MARCHF1: variants seen among roughly 807,000 people sequenced by gnomAD.
MARCHF1 encodes E3 ubiquitin-protein ligase MARCHF1.
MARCHF1 carries 40 observed loss-of-function variants against 54.2 expected under a neutral mutation model. The observed-to-expected ratio is 0.74, with a 90% CI of 0.57 to 0.96. The LOEUF is 0.96. Ranked by LOEUF, MARCHF1 falls within the 40% of genes least tolerant of loss-of-function variation. MARCHF1 has a pLI of 0.00. For synonymous variants in MARCHF1, 236 were observed against 236.3 expected (o/e 1.00, Z 0.01); for missense variants, 586 against 656.5 (o/e 0.89, Z 1.17).
chr4:164,165,657 G>C (rs1384132778), intron 1 of MARCHF1, among the ~76,000 whole-genome samples: 1 of 151,892 alleles, frequency 6.6e-6, no homozygotes, highest in Admixed American at 6.6e-5. Flanking sequence ...CATATTGAAG[G>C]CCTCTTGTAG....
intron 2 of MARCHF1, among the ~76,000 whole-genome samples, chr4:164,020,532 C>G (rs1753641071): frequency 6.6e-6 from 1 of 152,188 alleles, no homozygotes; most frequent in Admixed American, 6.5e-5. Flanking sequence ...AGCATGGCAA[C>G]AAGTCTACAG....
chr4:164,044,255 A>C (rs1252977384), intron 2 of MARCHF1, among the ~76,000 whole-genome samples: 1 of 152,078 alleles, frequency 6.6e-6, no homozygotes, highest in Non-Finnish European at 1.5e-5. Context: ...ATTACTTGAG[A>C]CTCGGTAGTT....
rs760982618 is a variant in MARCHF1 at position 163,527,614 on chromosome 4, T to TA, written c.*1133dup. The TA allele has an allele frequency of 2.2e-5, 3 of 134,316 alleles. No homozygotes were observed. Among genetic ancestry groups the TA allele is most frequent in the Admixed American group, 8.5e-5 (1 of 11,832 alleles). 8.3% of individuals were successfully genotyped at this position (134,316 alleles called of 1,614,324 possible). On this transcript the variant is annotated 3_prime_UTR_variant, in exon 10 of 10. Transcript: ENST00000514618. ...ATGAGGACACTTAATTTAATGCTTTTAAAAATCATAACTAACTTTTGTGAC... is the reference window on the plus strand; with the variant it reads ...ATGAGGACACTTAATTTAATGCTTTTAAAAAATCATAACTAACTTTTGTGAC...
chr4:164,078,873 AC>A (rs1381512853), intron 2 of MARCHF1, among the ~76,000 whole-genome samples: 3 of 152,202 alleles, frequency 2.0e-5, no homozygotes, highest in South Asian at 4.1e-4. Context: ...TACATATGTA[AC>A]AAACCTGCAC....
chr4:163,603,288 A>G (rs1253376531), intron 7 of MARCHF1, among the ~76,000 whole-genome samples: 1 of 151,452 alleles, frequency 6.6e-6, no homozygotes, highest in Non-Finnish European at 1.5e-5. Context: ...ATCTGAAGAT[A>G]CACATACGAA....
chr4:163,798,963 G>T (rs1234517927), intron 4 of MARCHF1, among the ~76,000 whole-genome samples: 2 of 152,020 alleles, frequency 1.3e-5, no homozygotes, highest in African/African-American at 4.8e-5. Context: ...AGTTCGTTTA[G>T]TCTTCTCAGT....
intron 2 of MARCHF1, among the ~76,000 whole-genome samples, chr4:163,989,240 G>T (rs892648344): frequency 2.0e-5 from 3 of 151,782 alleles, no homozygotes; most frequent in African/African-American, 7.3e-5. Context: ...TAGGTCAAAG[G>T]ATCTGCCCTG....
intron 5 of MARCHF1, among the ~76,000 whole-genome samples, chr4:163,687,237 T>A (rs1436294011): frequency 6.6e-6 from 1 of 152,002 alleles, no homozygotes; most frequent in Non-Finnish European, 1.5e-5. Flanking sequence ...AGATCTTTTT[T>A]TTTTTTTTGA....
intron 3 of MARCHF1, among the ~76,000 whole-genome samples, chr4:163,935,823 G>C (rs567339226): frequency 6.6e-6 from 1 of 151,006 alleles, no homozygotes; most frequent in East Asian, 2.0e-4. Context: ...ATCATTCATG[G>C]ATTCACTGGA....
chr4:164,227,678 A>G (rs761212925), intron 1 of MARCHF1, among the ~76,000 whole-genome samples: 1 of 152,102 alleles, frequency 6.6e-6, no homozygotes, highest in Non-Finnish European at 1.5e-5. Flanking sequence ...AATCTCACAT[A>G]TTTCGCGCCA....
At chr4:163,886,617 T>C (rs1019750276) in intron 3 of MARCHF1, among the ~76,000 whole-genome samples, 5 of 151,924 alleles carry the variant, frequency 3.3e-5, no homozygotes, top group Admixed American at 6.6e-5. Context: ...GTACAGAAAA[T>C]GCAAATGTAA....
intron 1 of MARCHF1, among the ~76,000 whole-genome samples, chr4:164,146,402 A>C (rs1729740421): frequency 6.6e-6 from 1 of 152,006 alleles, no homozygotes; most frequent in Non-Finnish European, 1.5e-5. Context: ...TGGAGGCATC[A>C]CACTACCTGA....
At chr4:164,055,913 C>A (rs547722477) in intron 2 of MARCHF1, among the ~76,000 whole-genome samples, 1 of 152,260 alleles carries the variant, frequency 6.6e-6, no homozygotes, top group South Asian at 2.1e-4. Context: ...TTAGTCAAGT[C>A]TGTTTTAGTG....
chr4:163,577,015 T>C (rs7658409), intron 8 of MARCHF1, among the ~76,000 whole-genome samples: 1 of 151,820 alleles, frequency 6.6e-6, no homozygotes, highest in South Asian at 2.1e-4. Context: ...TTCCTTTTTT[T>C]TAAATACAAC....
chr4:163,691,327 A>G (rs921026704), intron 5 of MARCHF1, among the ~76,000 whole-genome samples: 1 of 152,228 alleles, frequency 6.6e-6, no homozygotes, highest in Admixed American at 6.5e-5. Flanking sequence ...TTAGTAGGTC[A>G]GATACTGAGA....
chr4:164,149,410 G>T (rs1729869990), intron 1 of MARCHF1, among the ~76,000 whole-genome samples: 2 of 152,102 alleles, frequency 1.3e-5, no homozygotes, highest in Admixed American at 1.3e-4. Context: ...GAAATTATCA[G>T]AACATGGAAT....
chr4:164,350,947 C>G (rs533743599), intron 1 of MARCHF1, among the ~76,000 whole-genome samples: 1 of 152,056 alleles, frequency 6.6e-6, no homozygotes, highest in Non-Finnish European at 1.5e-5. Flanking sequence ...ATTGCCTCAC[C>G]TGGGAAGCGC....
rs1303854064 is a variant in MARCHF1 at position 164,007,910 on chromosome 4, GGA to G, written c.-247-19203_-247-19202del. Among the ~76,000 whole-genome samples the G allele has an allele frequency of 8.5e-5, 13 of 152,158 alleles. 1 individual carries two copies. In the East Asian group the frequency reaches 1.7e-3, roughly 20 times the overall value. On this transcript the variant is annotated intron_variant, in intron 2 of 9. Transcript: ENST00000514618. ...AGGAAGAGAGTAAGAAGGAAGAAAA[GGA>G]GAGTCTCATAATAGCCAGAAAACAG...
intron 4 of MARCHF1, among the ~76,000 whole-genome samples, chr4:163,814,598 T>A (rs2111024641): frequency 6.6e-6 from 1 of 152,072 alleles, no homozygotes; most frequent in South Asian, 2.1e-4. Context: ...AATAAAAAAA[T>A]AAAAAATTGT....
Sources: allele counts gnomAD v4.1 joint callset (sites outside exome capture counted in the v4.1 genomes callset), GRCh38; gene constraint gnomAD v4.1.1; transcripts MANE v1.5; gene names NCBI Gene and HGNC (gene_info 2026-07-23, HGNC 2026-07-21).